KCTD16: variants seen among roughly 807,000 people sequenced by gnomAD.
The protein encoded by KCTD16 is potassium channel tetramerization domain containing 16, also known as BTB/POZ domain-containing protein KCTD16.
Under a neutral mutation model 33.2 loss-of-function variants are expected in KCTD16, and 13 were observed. That is an observed-to-expected ratio of 0.39 (90% CI 0.25 to 0.62). The LOEUF (loss-of-function observed/expected upper bound fraction) is 0.62. KCTD16 is among the 20% of genes least tolerant of loss of function. The pLI is 0.50. For synonymous variants in KCTD16, 197 were observed against 195.3 expected, an observed-to-expected ratio of 1.01 and a Z score of -0.07; for missense variants, 441 against 525.1, an observed-to-expected ratio of 0.84 and a Z score of 1.57.
intron 3 of KCTD16, among the ~76,000 whole-genome samples, chr5:144,392,216 T>G (rs899824327): frequency 6.6e-6 from 1 of 151,944 alleles, no homozygotes; most frequent in African/African-American, 2.4e-5. Flanking sequence ...TCAGGAGCAA[T>G]GCAGGGGGAA....
intron 3 of KCTD16, among the ~76,000 whole-genome samples, chr5:144,280,092 T>A (rs1040040796): frequency 6.6e-6 from 1 of 152,164 alleles, no homozygotes; most frequent in Non-Finnish European, 1.5e-5. Context: ...AGTTTTTTTG[T>A]TTATGTTTAT....
At chr5:144,331,460 A>G (rs575928872) in intron 3 of KCTD16, among the ~76,000 whole-genome samples, 17 of 152,298 alleles carry the variant, frequency 1.1e-4, no homozygotes, top group African/African-American at 4.1e-4. Context: ...GTCATCATCT[A>G]ATTCACACAA....
intron 3 of KCTD16, among the ~76,000 whole-genome samples, chr5:144,378,782 T>C (rs368482099): frequency 5.9e-5 from 9 of 152,348 alleles, no homozygotes; most frequent in African/African-American, 2.2e-4. Flanking sequence ...AAACAGCTAA[T>C]GTACCAGGCA....
At chr5:144,228,578 G>A (rs1372174471) in intron 3 of KCTD16, among the ~76,000 whole-genome samples, 1 of 152,130 alleles carries the variant, frequency 6.6e-6, no homozygotes, top group African/African-American at 2.4e-5. Flanking sequence ...AAATTAGGTG[G>A]TAGAACAGAA....
intron 3 of KCTD16, among the ~76,000 whole-genome samples, chr5:144,375,702 C>T (rs1752075424): frequency 6.6e-6 from 1 of 152,154 alleles, no homozygotes; most frequent in South Asian, 2.1e-4. Context: ...AGGGCTTTGC[C>T]TTGGTGTTCC....
intron 3 of KCTD16, among the ~76,000 whole-genome samples, chr5:144,465,045 T>C (rs963429234): frequency 6.6e-6 from 1 of 152,130 alleles, no homozygotes; most frequent in African/African-American, 2.4e-5. Context: ...CCCTAGAAGG[T>C]AGAGATTAAG....
rs1189578429 is a variant in KCTD16 at position 144,206,625 on chromosome 5, C to A, written c.-90C>A. On this transcript the variant is annotated 5_prime_UTR_variant, in exon 3 of 4. Transcript: ENST00000512467. ...TTTTTAATAAGTTAGCATCCTTTTC[C>A]CTTTCTTACAAGTTGATCCAAAGGA... 1 of 1,118,324 alleles carries A rather than the reference C, an allele frequency of 8.9e-7. No homozygotes were observed. Among genetic ancestry groups the A allele is most frequent in the Non-Finnish European group, 1.3e-6 (1 of 773,522 alleles). 69.3% of individuals were successfully genotyped at this position (1,118,324 alleles called of 1,614,324 possible). A position where few individuals can be genotyped will look rare whatever the true frequency, so the allele number is the denominator to read the frequency against.
intron 3 of KCTD16, among the ~76,000 whole-genome samples, chr5:144,464,855 G>T (rs1203889305): frequency 6.6e-6 from 1 of 151,806 alleles, no homozygotes; most frequent in African/African-American, 2.4e-5. Context: ...CCTCTCTGTT[G>T]GGCCCAAGTA....
At chr5:144,255,747 G>C (rs185457375) in intron 3 of KCTD16, among the ~76,000 whole-genome samples, 21 of 152,262 alleles carry the variant, frequency 1.4e-4, no homozygotes, top group African/African-American at 5.1e-4. Flanking sequence ...GTGTAATTCT[G>C]AAATTACTTC....
chr5:144,186,803 C>A (rs931650239), intron 2 of KCTD16, among the ~76,000 whole-genome samples: 5 of 152,080 alleles, frequency 3.3e-5, no homozygotes, highest in Non-Finnish European at 5.9e-5. Context: ...GCTTTTCTGG[C>A]CTCAGTTTTC....
intron 3 of KCTD16, among the ~76,000 whole-genome samples, chr5:144,416,682 T>C (rs770287559): frequency 3.3e-5 from 5 of 152,162 alleles, no homozygotes; most frequent in Non-Finnish European, 5.9e-5. Flanking sequence ...CATTTAATAT[T>C]GTCATAATTT....
chr5:144,234,906 A>G (rs1349867988), intron 3 of KCTD16, among the ~76,000 whole-genome samples: 2 of 152,078 alleles, frequency 1.3e-5, no homozygotes, highest in Non-Finnish European at 2.9e-5. Context: ...GCCAAAAACC[A>G]ATCTCTCCCT....
chr5:144,262,286 G>T (rs1051562233), intron 3 of KCTD16, among the ~76,000 whole-genome samples: 1 of 152,214 alleles, frequency 6.6e-6, no homozygotes, highest in Non-Finnish European at 1.5e-5. Flanking sequence ...GGCTGGGAAA[G>T]AACTTGGCCA....
intron 3 of KCTD16, among the ~76,000 whole-genome samples, chr5:144,422,481 T>G (rs932999668): frequency 6.6e-6 from 1 of 152,198 alleles, no homozygotes; most frequent in African/African-American, 2.4e-5. Flanking sequence ...TTTCAGCAAG[T>G]GCTATTTATT....
Position 144,474,539 on chromosome 5 carries a change from T to C in KCTD16, c.*425T>C. The C allele has an allele frequency of 6.0e-6, 1 of 165,716 alleles. No individual in the cohort carries two copies. The highest frequency in any genetic ancestry group is 1.3e-5 in the Non-Finnish European group (1 of 76,026). 10.3% of individuals were successfully genotyped at this position (165,716 alleles called of 1,614,324 possible). Reference sequence around the variant, plus strand: ...GGCATAAGTTTGGAATTTTTAATTTTGGTTTTTCCTTTTGTTTATGGGGTT... The same window carrying C: ...GGCATAAGTTTGGAATTTTTAATTTCGGTTTTTCCTTTTGTTTATGGGGTT... On this transcript the variant is annotated 3_prime_UTR_variant, in exon 4 of 4. Coordinates refer to ENST00000512467, the MANE Select transcript of KCTD16 (RefSeq NM_020768.4).
intron 3 of KCTD16, among the ~76,000 whole-genome samples, chr5:144,400,131 C>T (rs577624117): frequency 6.6e-6 from 1 of 152,152 alleles, no homozygotes; most frequent in South Asian, 2.1e-4. Flanking sequence ...CTGATTCAGA[C>T]AGAGGAAGGT....
At chr5:144,348,181 C>A (rs1311654743) in intron 3 of KCTD16, among the ~76,000 whole-genome samples, 1 of 152,194 alleles carries the variant, frequency 6.6e-6, no homozygotes, top group Non-Finnish European at 1.5e-5. Context: ...CACCAGTTCG[C>A]AGACTCTTCT....
intron 3 of KCTD16, among the ~76,000 whole-genome samples, chr5:144,433,133 C>G (rs1439059711): frequency 1.3e-5 from 2 of 152,096 alleles, no homozygotes; most frequent in African/African-American, 2.4e-5. Flanking sequence ...ACCGAAATAC[C>G]TACAGAAGCC....
rs1040374175 is a variant in KCTD16, at chr5:144,479,456, A to G, written c.*5342A>G. On this transcript the variant is annotated 3_prime_UTR_variant, in exon 4 of 4. Transcript: ENST00000512467. ...ATCCAATTGACCCTATTCATTTAACAGAGTAACTGGATACATACCAAATTC... is the reference window on the plus strand; with the variant it reads ...ATCCAATTGACCCTATTCATTTAACGGAGTAACTGGATACATACCAAATTC... 5.3e-5 allele frequency: 8 copies of G among 151,820 alleles called. No homozygotes were observed. The highest frequency in any genetic ancestry group is 3.3e-4 in the Admixed American group (5 of 15,196). 9.4% of individuals were successfully genotyped at this position (151,820 alleles called of 1,614,324 possible).
Sources: allele counts gnomAD v4.1 joint callset (sites outside exome capture counted in the v4.1 genomes callset), GRCh38; gene constraint gnomAD v4.1.1; transcripts MANE v1.5; gene names NCBI Gene and HGNC (gene_info 2026-07-23, HGNC 2026-07-21).